The following PHACTR1 variants were observed in gnomAD, a reference collection of about 807,000 sequenced individuals.
PHACTR1 encodes the protein RPEL repeat containing 1.
In PHACTR1, 16 loss-of-function variants were observed where a neutral mutation model predicts 69.2. The ratio of observed to expected loss-of-function variants is 0.23; its 90% CI spans 0.16 to 0.35. The LOEUF (loss-of-function observed/expected upper bound fraction) is 0.35. Among genes scored for constraint, PHACTR1 ranks in the 10% least tolerant of loss-of-function variants. The pLI, the probability that PHACTR1 is intolerant of heterozygous loss-of-function variation, is 1.00. For missense variants in PHACTR1, 510 were observed against 734.7 expected, an observed-to-expected ratio of 0.69 and a Z score of 3.54; for synonymous variants, 312 against 284.5, an observed-to-expected ratio of 1.10 and a Z score of -0.97.
At chr6:12,979,242 G>A (rs1023481856) in intron 4 of PHACTR1, among the ~76,000 whole-genome samples, 1 of 152,170 alleles carries the variant, frequency 6.6e-6, no homozygotes. Context: ...TGCTTGAAAA[G>A]TTTACCTGGC....
At chr6:12,775,369 A>G (rs1456527616) in intron 4 of PHACTR1, among the ~76,000 whole-genome samples, 1 of 152,246 alleles carries the variant, frequency 6.6e-6, no homozygotes, top group Admixed American at 6.5e-5. Flanking sequence ...GGATCTGGCC[A>G]TCTGTTGCCA....
chr6:13,117,131 G>A (rs901001095), intron 5 of PHACTR1, among the ~76,000 whole-genome samples: 6 of 152,318 alleles, frequency 3.9e-5, no homozygotes, highest in Middle Eastern at 3.4e-3. Flanking sequence ...CAGCCACCAT[G>A]TTGTTTCAGA....
rs1373791965 is a variant in PHACTR1, at chr6:12,965,883, C to A, written c.251-87482C>A. Among the ~76,000 whole-genome samples, 65 of 152,108 alleles carry A rather than the reference C, an allele frequency of 4.3e-4. 1 individual carries two copies. Among genetic ancestry groups the A allele is most frequent in the Admixed American group, 4.3e-3 (65 of 15,274 alleles). On this transcript the variant is annotated intron_variant, in intron 4 of 14. Transcript: ENST00000332995. ...CTTCCCACAGAAAAGTAAACTGAGG[C>A]TTGGAGAAATAAGAAACTTGTCGGA... is the stretch of plus-strand genomic sequence containing the variant.
intron 4 of PHACTR1, among the ~76,000 whole-genome samples, chr6:12,859,951 G>A (rs565541261): frequency 4.6e-5 from 7 of 152,066 alleles, no homozygotes; most frequent in South Asian, 4.2e-4. Context: ...TGCGCTTCCT[G>A]TAAAAATTCT....
intron 5 of PHACTR1, among the ~76,000 whole-genome samples, chr6:13,128,497 T>C: frequency 6.6e-6 from 1 of 151,742 alleles, no homozygotes; most frequent in Admixed American, 6.5e-5. Context: ...CACTTAGATA[T>C]ATACAAAATG....
intron 4 of PHACTR1, among the ~76,000 whole-genome samples, chr6:13,004,220 A>G (rs1798505162): frequency 6.6e-6 from 1 of 151,662 alleles, no homozygotes; most frequent in East Asian, 1.9e-4. Context: ...GGTTGTATTA[A>G]TTTACATTCC....
chr6:13,042,604 T>C (rs1804359625), intron 4 of PHACTR1, among the ~76,000 whole-genome samples: 1 of 152,216 alleles, frequency 6.6e-6, no homozygotes, highest in African/African-American at 2.4e-5. Context: ...TGAGATCCAC[T>C]AGTCTGAAGA....
At chr6:12,843,640 A>T (rs1778918415) in intron 4 of PHACTR1, among the ~76,000 whole-genome samples, 2 of 152,228 alleles carry the variant, frequency 1.3e-5, no homozygotes, top group African/African-American at 4.8e-5. Flanking sequence ...GCCAATGAGA[A>T]TAAGATGAAG....
chr6:12,750,369 TG>T, intron 4 of PHACTR1, among the ~76,000 whole-genome samples: 2 of 152,146 alleles, frequency 1.3e-5, no homozygotes. Flanking sequence ...TCCCTGGAAC[TG>T]GTGCCCAAAG....
chr6:12,953,113 A>G (rs1791481039), intron 4 of PHACTR1, among the ~76,000 whole-genome samples: 1 of 152,264 alleles, frequency 6.6e-6, no homozygotes, highest in African/African-American at 2.4e-5. Context: ...ACCTGAGGTC[A>G]GGAGTCAGAG....
At chr6:13,270,216 A>G (rs1219114701) in intron 10 of PHACTR1, among the ~76,000 whole-genome samples, 1 of 152,254 alleles carries the variant, frequency 6.6e-6, no homozygotes, top group African/African-American at 2.4e-5. Context: ...GAGGTTACAG[A>G]TGAACAGCCA....
chr6:12,763,990 T>C (rs181958677), intron 4 of PHACTR1, among the ~76,000 whole-genome samples: 15 of 152,292 alleles, frequency 9.8e-5, no homozygotes, highest in Admixed American at 8.5e-4. Flanking sequence ...TTTAACCTTA[T>C]ACCAAAGCTC....
At chr6:12,910,319 C>T (rs975127079) in intron 4 of PHACTR1, among the ~76,000 whole-genome samples, 10 of 152,190 alleles carry the variant, frequency 6.6e-5, no homozygotes, top group Non-Finnish European at 1.0e-4. Flanking sequence ...TTGTCTCCCA[C>T]TTGCCAGTTC....
chr6:12,729,698 A>T (rs1406383425), intron 3 of PHACTR1, among the ~76,000 whole-genome samples: 1 of 152,222 alleles, frequency 6.6e-6, no homozygotes, highest in Non-Finnish European at 1.5e-5. Context: ...TTTTATAGAG[A>T]TCATTAACAT....
In PHACTR1 at chr6:12,856,284, C is replaced by T. The variant is rs1161210450; in HGVS notation, c.250+106494C>T. Among the ~76,000 whole-genome samples, 7 of 126,586 alleles carry T rather than the reference C, an allele frequency of 5.5e-5. No homozygotes were observed. The East Asian group carries it at 1.4e-3, about 25-fold the overall frequency. 83.0% of individuals were successfully genotyped at this position (126,586 alleles called of 152,430 possible). The stretch of plus-strand genomic sequence containing the variant: ...TTTTTTTTTTCTGAGACAGGAGTTT[C>T]GCTCTGTCGCCCAAGCTGGAGTGCA... On this transcript the variant is annotated intron_variant, in intron 4 of 14. Transcript: ENST00000332995.
intron 4 of PHACTR1, among the ~76,000 whole-genome samples, chr6:12,807,775 A>T (rs185218228): frequency 3.3e-5 from 5 of 152,160 alleles, no homozygotes; most frequent in Admixed American, 3.3e-4. Context: ...TTCTCCCTAG[A>T]TCTTGAGCTT....
chr6:12,891,285 A>C (rs1006050866), intron 4 of PHACTR1, among the ~76,000 whole-genome samples: 2 of 152,154 alleles, frequency 1.3e-5, no homozygotes, highest in African/African-American at 4.8e-5. Flanking sequence ...AAATTATGTT[A>C]ACATGCTAAA....
At chr6:13,130,294 A>C (rs899632684) in intron 5 of PHACTR1, among the ~76,000 whole-genome samples, 3 of 152,112 alleles carry the variant, frequency 2.0e-5, no homozygotes, top group African/African-American at 7.2e-5. Context: ...AACAAAAACA[A>C]AACAAAACAA....
chr6:12,741,768 C>CAAAAAAA (rs70987094), intron 3 of PHACTR1, among the ~76,000 whole-genome samples: 2 of 143,464 alleles, frequency 1.4e-5, no homozygotes, highest in Non-Finnish European at 3.0e-5. Flanking sequence ...TGTCAAACTC[C>CAAAAAAA]AAAAAAAAAA....
Sources: allele counts gnomAD v4.1 joint callset (sites outside exome capture counted in the v4.1 genomes callset), GRCh38; gene constraint gnomAD v4.1.1; transcripts MANE v1.5; gene names NCBI Gene and HGNC (gene_info 2026-07-23, HGNC 2026-07-21).